Variants in ATXN1 observed in about 807,000 individuals in gnomAD.
ATXN1 encodes the protein ataxin-1.
ATXN1 carries 8 observed loss-of-function variants against 56.4 expected under a neutral mutation model. That is an observed-to-expected ratio of 0.14 (90% CI 0.08 to 0.26). ATXN1 has a LOEUF of 0.26. ATXN1 is among the 10% of genes least tolerant of loss of function. The pLI, the probability that ATXN1 is intolerant of heterozygous loss-of-function variation, is 1.00. For missense variants in ATXN1, 987 were observed against 1,106.5 expected (o/e 0.89, Z 1.53); for synonymous variants, 514 against 494.6 (o/e 1.04, Z -0.52).
At chr6:16,397,699 T>G (rs937941003) in intron 6 of ATXN1, among the ~76,000 whole-genome samples, 29 of 152,238 alleles carry the variant, frequency 1.9e-4, no homozygotes, top group African/African-American at 6.8e-4. Flanking sequence ...ACCAAATCAT[T>G]GCTGTCCAGA....
chr6:16,488,921 C>T (rs1760602603), intron 5 of ATXN1, among the ~76,000 whole-genome samples: 2 of 152,130 alleles, frequency 1.3e-5, no homozygotes, highest in African/African-American at 4.8e-5. Context: ...CTTCCTGAAG[C>T]CAAGGTGTCC....
At position 16,676,425 on chromosome 6, in the gene ATXN1, A is replaced by C. The variant is rs530588889; in HGVS notation, c.-614-18524T>G. Among the ~76,000 whole-genome samples the C allele has an allele frequency of 2.6e-4, 40 of 152,130 alleles. 1 individual carries two copies. The South Asian group carries it at 8.1e-3, about 31-fold the overall frequency. Reference sequence around the variant, plus strand: ...CACAATTAACAGCCTATGAAAACCAACTCTTTCTGGTATTAGCACTAGTTT... The same window carrying C: ...CACAATTAACAGCCTATGAAAACCACCTCTTTCTGGTATTAGCACTAGTTT... On this transcript the variant is annotated intron_variant, in intron 2 of 7. Transcript: ENST00000436367.
At chr6:16,667,549 T>C (rs1043632167) in intron 2 of ATXN1, 3 of 152,218 alleles carry the variant, frequency 2.0e-5, no homozygotes, top group African/African-American at 4.8e-5. Flanking sequence ...AGAGCACTGA[T>C]GTTCTGTAAA....
At chr6:16,441,241 T>C (rs776099051) in intron 6 of ATXN1, among the ~76,000 whole-genome samples, 1 of 152,030 alleles carries the variant, frequency 6.6e-6, no homozygotes, top group African/African-American at 2.4e-5. Context: ...AAATCGAACA[T>C]GGCAGTAATA....
chr6:16,622,599 C>T (rs1157974570), intron 3 of ATXN1, among the ~76,000 whole-genome samples: 1 of 152,172 alleles, frequency 6.6e-6, no homozygotes, highest in East Asian at 1.9e-4. Flanking sequence ...AAAAGCTTCT[C>T]TCCAAAAATT....
intron 7 of ATXN1, among the ~76,000 whole-genome samples, chr6:16,319,541 C>T (rs1288865822): frequency 3.3e-5 from 5 of 152,114 alleles, no homozygotes; most frequent in Non-Finnish European, 7.4e-5. Context: ...ATCATAAATT[C>T]ATCAAAAACA....
chr6:16,611,916 G>C (rs1357181765), intron 3 of ATXN1, among the ~76,000 whole-genome samples: 1 of 124,682 alleles, frequency 8.0e-6, no homozygotes, highest in Non-Finnish European at 1.6e-5. Context: ...CTGGAGTGCA[G>C]TGGCTCCATC....
chr6:16,461,791 T>C (rs115757803), intron 6 of ATXN1, among the ~76,000 whole-genome samples: 2,406 of 152,266 alleles, frequency 0.016, 75 homozygotes, highest in African/African-American at 0.055. Flanking sequence ...ACTTTCACTG[T>C]GCCTGGAGGC....
intron 4 of ATXN1, among the ~76,000 whole-genome samples, chr6:16,580,555 T>C (rs896124217): frequency 2.6e-5 from 4 of 152,232 alleles, no homozygotes; most frequent in Non-Finnish European, 5.9e-5. Context: ...AACCATTTTC[T>C]AATGTGTTTT....
intron 2 of ATXN1, among the ~76,000 whole-genome samples, chr6:16,750,606 G>A (rs556686601): frequency 2.0e-5 from 3 of 152,132 alleles, no homozygotes; most frequent in Non-Finnish European, 4.4e-5. Context: ...TAAAATTCAA[G>A]GTGACTTTGC....
intron 6 of ATXN1, among the ~76,000 whole-genome samples, chr6:16,422,497 G>C (rs1007288878): frequency 1.3e-5 from 2 of 152,176 alleles, no homozygotes; most frequent in Admixed American, 1.3e-4. Flanking sequence ...TTCTTGGAGA[G>C]AGAGACTTGG....
chr6:16,364,291 C>A (rs1761871168), intron 6 of ATXN1, among the ~76,000 whole-genome samples: 1 of 152,052 alleles, frequency 6.6e-6, no homozygotes, highest in Non-Finnish European at 1.5e-5. Flanking sequence ...TTAAAAATGG[C>A]TTCATGCTGA....
intron 2 of ATXN1, among the ~76,000 whole-genome samples, chr6:16,734,679 AG>A (rs1225381466): frequency 2.0e-5 from 3 of 152,170 alleles, no homozygotes; most frequent in Non-Finnish European, 4.4e-5. Context: ...ATTTTAGTAA[AG>A]ACAGGATTTT....
chr6:16,439,359 GGCGGGGCCGGGGGCGGGGC>G, intron 6 of ATXN1, among the ~76,000 whole-genome samples: 1 of 18,916 alleles, frequency 5.3e-5, no homozygotes, highest in African/African-American at 2.0e-4. Flanking sequence ...GGGGGGGGGG[GGCGGGGCCGGGGGCGGGGC>G]GGGAATAAGG....
At chr6:16,658,793 T>A (rs777478112) in intron 2 of ATXN1, among the ~76,000 whole-genome samples, 1 of 152,192 alleles carries the variant, frequency 6.6e-6, no homozygotes, top group Non-Finnish European at 1.5e-5. Context: ...CTCATCCTCA[T>A]CTATGTTGAA....
At chr6:16,393,530 G>C (rs958589611) in intron 6 of ATXN1, among the ~76,000 whole-genome samples, 1 of 152,106 alleles carries the variant, frequency 6.6e-6, no homozygotes, top group Non-Finnish European at 1.5e-5. Context: ...CCATCATGAT[G>C]GTTCATAGTG....
At position 16,660,834 on chromosome 6, in the gene ATXN1, T is replaced by C. The variant is rs961600966; in HGVS notation, c.-614-2933A>G. Among the ~76,000 whole-genome samples the C allele has an allele frequency of 2.4e-5, 3 of 125,198 alleles. No homozygotes were observed. The East Asian group carries it at 7.7e-4, about 32-fold the overall frequency. The allele number at this position is 125,198 out of a possible 152,430, so 82.1% of individuals were successfully genotyped here. A position where few individuals can be genotyped will look rare whatever the true frequency, so the allele number is the denominator to read the frequency against. The stretch of plus-strand genomic sequence containing the variant: ...AAAAAGAGGTTTATTTTGTTTTGGT[T>C]TTTTTTTTTTTTTTTTTTTTTTGAG... On this transcript the variant is annotated intron_variant, in intron 2 of 7. Coordinates refer to ENST00000436367, the MANE Select transcript of ATXN1 (RefSeq NM_001128164.2).
intron 6 of ATXN1, among the ~76,000 whole-genome samples, chr6:16,356,856 G>A (rs1481618096): frequency 1.3e-5 from 2 of 152,156 alleles, no homozygotes; most frequent in African/African-American, 2.4e-5. Flanking sequence ...TGAATCTTGA[G>A]CAAAACAAAC....
At chr6:16,688,589 C>T (rs1758969091) in intron 2 of ATXN1, among the ~76,000 whole-genome samples, 1 of 152,194 alleles carries the variant, frequency 6.6e-6, no homozygotes, top group South Asian at 2.1e-4. Context: ...CAAGCTGTAA[C>T]ATCCTGTTGG....
Sources: gnomAD v4.1 joint callset for allele counts (sites outside exome capture counted in the v4.1 genomes callset) on GRCh38, gnomAD v4.1.1 for gene constraint, MANE v1.5 for transcripts, NCBI Gene and HGNC (gene_info 2026-07-23, HGNC 2026-07-21) for gene names.